The following ZSWIM5 variants were observed in gnomAD, a reference collection of about 807,000 sequenced individuals.
The protein encoded by ZSWIM5 is zinc finger SWIM-type containing 5, also known as zinc finger SWIM domain-containing protein 5.
ZSWIM5 carries 55 observed loss-of-function variants against 119.6 expected under a neutral mutation model. That is an observed-to-expected ratio of 0.46 (90% CI 0.37 to 0.58). The LOEUF is 0.58. Ranked by LOEUF, ZSWIM5 falls within the 20% of genes least tolerant of loss-of-function variation. ZSWIM5 has a pLI of 0.00. For synonymous variants in ZSWIM5, 537 were observed against 606.9 expected, an observed-to-expected ratio of 0.88 and a Z score of 1.69; for missense variants, 1,193 against 1,512.8, an observed-to-expected ratio of 0.79 and a Z score of 3.51.
At chr1:45,189,103 T>A (rs756298580) in intron 1 of ZSWIM5, among the ~76,000 whole-genome samples, 5 of 151,980 alleles carry the variant, frequency 3.3e-5, no homozygotes, top group Non-Finnish European at 7.4e-5. Flanking sequence ...TCACCTGAGG[T>A]CAGGAGTTCA....
At chr1:45,201,804 C>T (rs1646159878) in intron 1 of ZSWIM5, among the ~76,000 whole-genome samples, 2 of 152,206 alleles carry the variant, frequency 1.3e-5, no homozygotes, top group South Asian at 4.1e-4. Context: ...AGAAGATACA[C>T]CTAAGTTGTA....
chr1:45,185,986 C>T (rs879054235), intron 1 of ZSWIM5, among the ~76,000 whole-genome samples: 2 of 151,804 alleles, frequency 1.3e-5, no homozygotes, highest in African/African-American at 4.8e-5. Context: ...CAATAGCAAA[C>T]ACTTGGAACC....
intron 9 of ZSWIM5, 98 bp from the exon 10 acceptor site, chr1:45,035,921 G>T: frequency 6.3e-7 from 1 of 1,576,420 alleles, no homozygotes; most frequent in South Asian, 1.2e-5. Flanking sequence ...CTAATCATGG[G>T]AACCTTCATT....
chr1:45,031,798 C>G (rs1289837523), intron 11 of ZSWIM5, among the ~76,000 whole-genome samples: 1 of 148,712 alleles, frequency 6.7e-6, no homozygotes, highest in Non-Finnish European at 1.5e-5. Context: ...GGAGATCACG[C>G]CACTGCATTC....
At chr1:45,139,099 C>T (rs943588604) in intron 1 of ZSWIM5, among the ~76,000 whole-genome samples, 4 of 151,808 alleles carry the variant, frequency 2.6e-5, no homozygotes, top group African/African-American at 9.7e-5. Context: ...CCAGGCTGGT[C>T]TCAAAATCCT....
chr1:45,102,011 C>G (rs978990299), intron 1 of ZSWIM5, among the ~76,000 whole-genome samples: 2 of 150,544 alleles, frequency 1.3e-5, no homozygotes, highest in African/African-American at 4.9e-5. Context: ...GCACATTGTG[C>G]ACATGTACCC....
chr1:45,080,621 T>C (rs1006199955), intron 2 of ZSWIM5, among the ~76,000 whole-genome samples: 1 of 152,232 alleles, frequency 6.6e-6, no homozygotes, highest in African/African-American at 2.4e-5. Context: ...TTGGTTCTTA[T>C]GTGGGTACTT....
chr1:45,154,397 A>G (rs1013389279), intron 1 of ZSWIM5, among the ~76,000 whole-genome samples: 3 of 152,210 alleles, frequency 2.0e-5, no homozygotes, highest in African/African-American at 4.8e-5. Context: ...AAATAGGCAC[A>G]AAGACTAATG....
rs568026294 is a variant in ZSWIM5 at position 45,035,787 on chromosome 1, C to T, written c.2192G>A (p.Arg731Gln). 2.0e-5 allele frequency: 32 copies of T among 1,613,688 alleles called. No individual in the cohort carries two copies. Among genetic ancestry groups the T allele is most frequent in the African/African-American group, 6.7e-5 (5 of 74,966 alleles). Residue 731 changes from arginine (R) to glutamine (Q), a missense_variant, in exon 10 of 14, where the codon CGA becomes CAA. Arg to Gln is a conservative substitution (Grantham distance 43). Coordinates refer to ENST00000359600, the MANE Select transcript of ZSWIM5 (RefSeq NM_020883.2). Reference protein sequence around the residue: ...PFSGLGEVIHRESVPMHTFAK... With the variant: ...PFSGLGEVIHQESVPMHTFAK... ...AAAGGTATGCATGGGAACACTCTCT[C>T]GGTGGATGACTTCTCCCAGACCGCT...
rs536061604 is a variant in ZSWIM5 at position 45,145,501 on chromosome 1, G to C, written c.596-57264C>G. Among the ~76,000 whole-genome samples the C allele has an allele frequency of 3.9e-5, 6 of 152,024 alleles. No homozygotes were observed. The East Asian group carries it at 1.2e-3, about 29-fold the overall frequency. The stretch of plus-strand genomic sequence containing the variant: ...CAGCAAAAAGAAAGAATAAACTATA[G>C]ATACAGGCAACAACTTAGAGGAATA... On this transcript the variant is annotated intron_variant, in intron 1 of 13. Coordinates refer to ENST00000359600, the MANE Select transcript of ZSWIM5 (RefSeq NM_020883.2).
At chr1:45,178,022 A>G (rs1000409473) in intron 1 of ZSWIM5, among the ~76,000 whole-genome samples, 4 of 151,610 alleles carry the variant, frequency 2.6e-5, no homozygotes, top group African/African-American at 9.7e-5. Context: ...GGCGTGAACC[A>G]CTACACCCGG....
intron 1 of ZSWIM5, among the ~76,000 whole-genome samples, chr1:45,182,142 C>T (rs1166626271): frequency 2.0e-5 from 3 of 152,160 alleles, no homozygotes; most frequent in East Asian, 3.8e-4. Flanking sequence ...CTGGGCCGGG[C>T]GCGGTGGCTC....
chr1:45,179,373 T>A (rs1646000557), intron 1 of ZSWIM5, among the ~76,000 whole-genome samples: 1 of 152,068 alleles, frequency 6.6e-6, no homozygotes, highest in Non-Finnish European at 1.5e-5. Context: ...TGTTCTCACT[T>A]ACAAGAAGGT....
rs747004132 is a variant in ZSWIM5, at chr1:45,051,128, G to A, written c.1378C>T (p.His460Tyr). ...VCPLEDGNYGHELPNITNALP... is the reference protein window; with the variant it reads ...VCPLEDGNYGYELPNITNALP... ...GCATTGGTGATGTTGGGCAGCTCAT[G>A]TCCATAGTTTCCATCCTCCAGGGGA... Residue 460 changes from histidine (H) to tyrosine (Y), a missense_variant, in exon 5 of 14, where the codon CAT becomes TAT. Around this residue, in one of 2 missense-constraint regions of ZSWIM5, gnomAD observed 961 missense variants for 1,290.0 expected, o/e 0.74. Coordinates refer to ENST00000359600, the MANE Select transcript of ZSWIM5 (RefSeq NM_020883.2). 1 of 1,614,236 alleles carries A rather than the reference G, an allele frequency of 6.2e-7. No individual in the cohort carries two copies. Among genetic ancestry groups the A allele is most frequent in the South Asian group, 1.1e-5 (1 of 91,090 alleles).
intron 10 of ZSWIM5, among the ~76,000 whole-genome samples, chr1:45,035,018 G>A (rs989433745): frequency 2.0e-5 from 3 of 152,014 alleles, no homozygotes; most frequent in Admixed American, 6.6e-5. Context: ...AAACTCCTGG[G>A]CTCAAGCAAT....
At chr1:45,173,053 T>C (rs1354694645) in intron 1 of ZSWIM5, among the ~76,000 whole-genome samples, 1 of 152,068 alleles carries the variant, frequency 6.6e-6, no homozygotes, top group Non-Finnish European at 1.5e-5. Flanking sequence ...TGGTCCCAAC[T>C]TCTTGGGAGG....
In ZSWIM5 at chr1:45,206,499, G is replaced by C. The variant is rs922159900; in HGVS notation, c.-149C>G. On this transcript the variant is annotated 5_prime_UTR_variant, in exon 1 of 14. Coordinates refer to ENST00000359600, the MANE Select transcript of ZSWIM5 (RefSeq NM_020883.2). Reference sequence around the variant, plus strand: ...AACCCGCGAGCCAGCCGGCCCGAGTGGGGAACCGCGGCCGGGCCCGGGAGC... The same window carrying C: ...AACCCGCGAGCCAGCCGGCCCGAGTCGGGAACCGCGGCCGGGCCCGGGAGC... The C allele has an allele frequency of 8.9e-6, 10 of 1,127,272 alleles. No individual in the cohort carries two copies. The highest frequency in any genetic ancestry group is 8.8e-5 in the South Asian group (2 of 22,648). 69.8% of individuals were successfully genotyped at this position (1,127,272 alleles called of 1,614,324 possible).
At chr1:45,194,567 A>G (rs1421813961) in intron 1 of ZSWIM5, among the ~76,000 whole-genome samples, 2 of 152,128 alleles carry the variant, frequency 1.3e-5, no homozygotes, top group Non-Finnish European at 2.9e-5. Flanking sequence ...AAATGTTAAT[A>G]CAGAAAGAAT....
chr1:45,180,599 C>T (rs1347649981), intron 1 of ZSWIM5, among the ~76,000 whole-genome samples: 1 of 152,168 alleles, frequency 6.6e-6, no homozygotes, highest in Non-Finnish European at 1.5e-5. Flanking sequence ...CAGCACGCAG[C>T]TGGAGATCTG....
Sources: gnomAD v4.1 joint callset for allele counts (sites outside exome capture counted in the v4.1 genomes callset) on GRCh38, gnomAD v4.1.1 for gene constraint, gnomAD v4.1.1 regional missense constraint, MANE v1.5 for transcripts, NCBI Gene and HGNC (gene_info 2026-07-23, HGNC 2026-07-21) for gene names.